PTPRQ: variants seen among roughly 807,000 people sequenced by gnomAD.
The protein encoded by PTPRQ is protein tyrosine phosphatase receptor type Q.
A neutral mutation model predicts 246.0 loss-of-function variants in PTPRQ; 199 were observed. That is an observed-to-expected ratio of 0.81 (90% CI 0.72 to 0.91). The LOEUF (loss-of-function observed/expected upper bound fraction) is 0.91, where lower values mean the gene tolerates loss of function less well. PTPRQ is among the 40% of genes least tolerant of loss of function. The probability of loss-of-function intolerance (pLI) is 0.00; values close to 1 mark genes in which losing one functional copy is unlikely to be tolerated. For missense variants in PTPRQ, 2,624 were observed against 2,528.4 expected, an observed-to-expected ratio of 1.04 and a Z score of -0.81; for synonymous variants, 869 against 853.2, an observed-to-expected ratio of 1.02 and a Z score of -0.32.
At chr12:80,635,903 T>C (rs1899630169) in intron 35 of PTPRQ, among the ~76,000 whole-genome samples, 1 of 152,182 alleles carries the variant, frequency 6.6e-6, no homozygotes, top group South Asian at 2.1e-4. Context: ...AAAAAAATTA[T>C]TATTAATTTT....
At chr12:80,573,438 G>A (rs560129688) in intron 25 of PTPRQ, among the ~76,000 whole-genome samples, 3 of 151,786 alleles carry the variant, frequency 2.0e-5, no homozygotes, top group African/African-American at 7.3e-5. Context: ...GCAGTGAGCC[G>A]AGATCATGCC....
chr12:80,671,425 C>T (rs777165691), intron 42 of PTPRQ, among the ~76,000 whole-genome samples: 6 of 151,994 alleles, frequency 3.9e-5, no homozygotes, highest in Admixed American at 6.6e-5. Context: ...TAGCTGTCTT[C>T]AATTTCTCTG....
chr12:80,501,449 T>C (rs1450270781), intron 14 of PTPRQ, among the ~76,000 whole-genome samples: 1 of 151,888 alleles, frequency 6.6e-6, no homozygotes, highest in East Asian at 1.9e-4. Flanking sequence ...GGAGTTCTGT[T>C]TGCAACATGT....
At chr12:80,664,203 A>G (rs761973356) in intron 39 of PTPRQ, among the ~76,000 whole-genome samples, 1 of 151,720 alleles carries the variant, frequency 6.6e-6, no homozygotes, top group African/African-American at 2.4e-5. Flanking sequence ...AATCTATTCA[A>G]TCTCCCTTTC....
chr12:80,447,960 A>T (rs1433044407), intron 3 of PTPRQ, among the ~76,000 whole-genome samples: 1 of 148,126 alleles, frequency 6.8e-6, no homozygotes, highest in Non-Finnish European at 1.5e-5. Flanking sequence ...TTTCATAAGA[A>T]TTGTGTTGAA....
intron 10 of PTPRQ, among the ~76,000 whole-genome samples, chr12:80,494,416 C>T (rs1291931047): frequency 1.3e-5 from 2 of 152,038 alleles, no homozygotes; most frequent in African/African-American, 4.8e-5. Flanking sequence ...AATGTATGAA[C>T]ATATGGTGAA....
chr12:80,506,702 G>A, intron 16 of PTPRQ, 32 bp downstream of exon 16: 1 of 1,518,870 alleles, frequency 6.6e-7, no homozygotes, highest in Non-Finnish European at 8.9e-7. Flanking sequence ...GATATACTTT[G>A]ATTCTATAAC....
intron 24 of PTPRQ, among the ~76,000 whole-genome samples, chr12:80,547,764 T>C (rs1350923829): frequency 6.6e-6 from 1 of 152,092 alleles, no homozygotes; most frequent in African/African-American, 2.4e-5. Flanking sequence ...GTCAAAAATA[T>C]TTGGAAAGAT....
At chr12:80,515,029 T>C (rs10778758) in intron 17 of PTPRQ, among the ~76,000 whole-genome samples, 127,184 of 150,010 alleles carry the variant, frequency 0.85, 53,821 homozygotes, top group Non-Finnish European at 0.89. Flanking sequence ...TAGTATCTTA[T>C]TAACATACTT....
At chr12:80,670,569 A>T (rs1195871962) in intron 42 of PTPRQ, 77 bp downstream of exon 42, 1 of 1,400,090 alleles carries the variant, frequency 7.1e-7, no homozygotes, top group Non-Finnish European at 9.3e-7. Context: ...ATTTTTTATA[A>T]AATGTTCATG....
At chr12:80,465,909 G>T (rs1358410084) in intron 6 of PTPRQ, among the ~76,000 whole-genome samples, 1 of 152,060 alleles carries the variant, frequency 6.6e-6, no homozygotes, top group Non-Finnish European at 1.5e-5. Context: ...ATACTGAATG[G>T]GCAAAAACTG....
At chr12:80,492,123 A>G (rs985884196) in intron 9 of PTPRQ, among the ~76,000 whole-genome samples, 1 of 151,960 alleles carries the variant, frequency 6.6e-6, no homozygotes, top group Non-Finnish European at 1.5e-5. Context: ...TACAGAAAAG[A>G]GTCTAATAAG....
intron 39 of PTPRQ, among the ~76,000 whole-genome samples, chr12:80,668,355 G>A (rs1443796109): frequency 4.0e-5 from 6 of 151,854 alleles, no homozygotes; most frequent in Admixed American, 1.3e-4. Flanking sequence ...TGAGTTTACT[G>A]TATTAGCAAA....
intron 26 of PTPRQ, among the ~76,000 whole-genome samples, chr12:80,598,307 GT>G (rs1176798816): frequency 1.3e-5 from 2 of 151,948 alleles, no homozygotes; most frequent in African/African-American, 4.8e-5. Flanking sequence ...GTGGTGATGC[GT>G]TTTGGTCAGC....
At chr12:80,520,136 G>A (rs1895427081) in intron 17 of PTPRQ, among the ~76,000 whole-genome samples, 1 of 151,928 alleles carries the variant, frequency 6.6e-6, no homozygotes, top group Non-Finnish European at 1.5e-5. Context: ...CAGCCTCGTG[G>A]TCTCTATTTC....
chr12:80,610,698 C>T, intron 28 of PTPRQ, 73 bp downstream of exon 28: 1 of 1,482,400 alleles, frequency 6.7e-7, no homozygotes. Flanking sequence ...CATCATACTC[C>T]ACCAAAAAAG....
intron 39 of PTPRQ, among the ~76,000 whole-genome samples, chr12:80,659,776 C>T (rs1900566904): frequency 1.3e-5 from 2 of 151,980 alleles, no homozygotes; most frequent in Admixed American, 1.3e-4. Context: ...TATAATAAAT[C>T]TTACAACAAC....
intron 33 of PTPRQ, among the ~76,000 whole-genome samples, chr12:80,626,218 G>T (rs535093749): frequency 6.6e-6 from 1 of 152,262 alleles, no homozygotes; most frequent in Non-Finnish European, 1.5e-5. Flanking sequence ...TTGTTAACGA[G>T]ACAGTGGTAA....
At chr12:80,541,866 G>A (rs1248028429) in intron 21 of PTPRQ, 21 bp downstream of exon 21, 4 of 1,509,222 alleles carry the variant, frequency 2.7e-6, no homozygotes, top group Admixed American at 2.3e-5. Flanking sequence ...CCCTTTTATT[G>A]TCTGTTAAGC....
Sources: gnomAD v4.1 joint callset for allele counts (sites outside exome capture counted in the v4.1 genomes callset) on GRCh38, gnomAD v4.1.1 for gene constraint, MANE v1.5 for transcripts, NCBI Gene and HGNC (gene_info 2026-07-23, HGNC 2026-07-21) for gene names.